CC2D2B: variants seen among roughly 807,000 people sequenced by gnomAD.
CC2D2B encodes protein CC2D2B.
A neutral mutation model predicts 161.2 loss-of-function variants in CC2D2B; 128 were observed. The ratio of observed to expected loss-of-function variants is 0.79; its 90% confidence interval spans 0.69 to 0.92. CC2D2B has a LOEUF of 0.92. CC2D2B is among the 40% of genes least tolerant of loss of function. The pLI is 0.00. For synonymous variants in CC2D2B, 391 were observed against 449.8 expected, an observed-to-expected ratio of 0.87 and a Z score of 1.65; for missense variants, 1,173 against 1,375.1, an observed-to-expected ratio of 0.85 and a Z score of 2.32.
At position 95,923,449 on chromosome 10, in the gene CC2D2B, C is replaced by G. The variant is rs1280032745; in HGVS notation, c.98-865C>G. Among the ~76,000 whole-genome samples the G allele has an allele frequency of 2.0e-5, 3 of 152,172 alleles. No homozygotes were observed. In the East Asian group the frequency reaches 5.8e-4, roughly 29 times the overall value. ...GGTCAGAAGTGTTATAATGATTTTA[C>G]AAAACTATCATAATTAAAATGGGTA... On this transcript the variant is annotated intron_variant, in intron 3 of 34. Transcript: ENST00000646931.
intron 9 of CC2D2B, among the ~76,000 whole-genome samples, chr10:95,947,114 T>TA (rs1491386108): frequency 0.12 from 2,665 of 22,034 alleles, 51 homozygotes; most frequent in African/African-American, 0.13. Flanking sequence ...TATATATATA[T>TA]TTTTTTTTTT....
At chr10:95,962,012 C>T (rs929940461) in intron 12 of CC2D2B, 43 bp downstream of exon 12, 1 of 1,220,698 alleles carries the variant, frequency 8.2e-7, no homozygotes, top group Non-Finnish European at 1.0e-6. Flanking sequence ...TCCTGAGGAA[C>T]TTCTCATGAA....
At chr10:96,023,527 CA>C (rs1036321970) in intron 32 of CC2D2B, among the ~76,000 whole-genome samples, 2 of 152,210 alleles carry the variant, frequency 1.3e-5, no homozygotes, top group African/African-American at 4.8e-5. Flanking sequence ...GCCTCTTTTT[CA>C]GGCCTGAAGT....
chr10:95,976,277 C>T (rs1049482406), intron 17 of CC2D2B, among the ~76,000 whole-genome samples: 4 of 152,198 alleles, frequency 2.6e-5, no homozygotes, highest in Admixed American at 1.3e-4. Context: ...CCATTCCCTT[C>T]CTAATCCTAC....
intron 9 of CC2D2B, among the ~76,000 whole-genome samples, chr10:95,946,632 T>C (rs2076208072): frequency 1.3e-5 from 2 of 152,156 alleles, no homozygotes; most frequent in African/African-American, 4.8e-5. Context: ...GGTTGGCTCT[T>C]ACATAAAGAA....
At position 95,995,253 on chromosome 10, in the gene CC2D2B, A is replaced by G. The variant is rs767270514; in HGVS notation, c.2643-16A>G. 3.6e-5 allele frequency: 52 copies of G among 1,442,758 alleles called. No individual in the cohort carries two copies. In the African/African-American group the frequency reaches 5.0e-4, roughly 14 times the overall value. The allele number at this position is 1,442,758 out of a possible 1,614,324, so 89.4% of individuals were successfully genotyped here. A position where few individuals can be genotyped will look rare whatever the true frequency, so the allele number is the denominator to read the frequency against. On this transcript the variant is annotated splice_polypyrimidine_tract_variant and intron_variant, in intron 22 of 34. Transcript: ENST00000646931. Reference sequence around the variant, plus strand: ...AACTAATTAAGGTGTATGTCTCTCTATTGTTTTTCCTGAAGATCCTTGGAT... The same window carrying G: ...AACTAATTAAGGTGTATGTCTCTCTGTTGTTTTTCCTGAAGATCCTTGGAT...
chr10:95,941,441 T>A (rs2076018600), intron 9 of CC2D2B, among the ~76,000 whole-genome samples: 1 of 152,096 alleles, frequency 6.6e-6, no homozygotes, highest in Admixed American at 6.6e-5. Flanking sequence ...GCAAACCATA[T>A]ATCTGATAAG....
intron 11 of CC2D2B, among the ~76,000 whole-genome samples, chr10:95,958,883 A>G (rs1378481448): frequency 6.6e-6 from 1 of 152,152 alleles, no homozygotes; most frequent in East Asian, 1.9e-4. Flanking sequence ...ACAGAAATTA[A>G]TAATAAAACC....
At chr10:95,950,774 A>ATTATGAACCTTCATAAATATCTG (rs1366112132) in intron 10 of CC2D2B, among the ~76,000 whole-genome samples, 11 of 152,150 alleles carry the variant, frequency 7.2e-5, no homozygotes, top group African/African-American at 2.7e-4. Context: ...ACATGAACTA[A>ATTATGAACCTTCATAAATATCTG]TTATGAACCT....
chr10:95,966,345 A>G, intron 14 of CC2D2B, 43 bp downstream of exon 14: 2 of 694,562 alleles, frequency 2.9e-6, no homozygotes, highest in Middle Eastern at 4.7e-4. Flanking sequence ...TATATTGTCT[A>G]TTAATTGGAT....
In CC2D2B at chr10:96,009,838, A is replaced by G. The variant is rs753045522; in HGVS notation, c.2960A>G (p.Lys987Arg). ...TTATTTTCATAGGATCACTGTCTCA[A>G]GAGCTGTAGTGGTCACTCATATATA... ...MTEKHEDHCLKSCSGHSYIRK... is the reference protein window; with the variant it reads ...MTEKHEDHCLRSCSGHSYIRK... Residue 987 changes from lysine to arginine, a missense_variant, in exon 26 of 35, where the codon AAG becomes AGG. Physicochemically the swap from Lys to Arg is conservative, Grantham distance 26 (BLOSUM62 2). Transcript: ENST00000646931. The G allele has an allele frequency of 7.7e-6, 12 of 1,560,798 alleles. No homozygotes were observed. The highest frequency in any genetic ancestry group is 1.8e-5 in the Admixed American group (1 of 56,168).
intron 10 of CC2D2B, among the ~76,000 whole-genome samples, chr10:95,953,077 A>C (rs549070308): frequency 3.7e-4 from 56 of 152,284 alleles, no homozygotes; most frequent in African/African-American, 1.3e-3. Flanking sequence ...TTAATTCACA[A>C]GTTAAAAAAG....
At chr10:95,995,189 C>G (rs2078184685) in intron 22 of CC2D2B, 80 bp from the exon 23 acceptor site, 1 of 686,132 alleles carries the variant, frequency 1.5e-6, no homozygotes, top group Non-Finnish European at 2.3e-6. Context: ...TTCATAAGCA[C>G]AGGAAAAACC....
rs190028418 is a variant in CC2D2B, at chr10:95,946,376, A to T, written c.802-3520A>T. Among the ~76,000 whole-genome samples, 587 of 152,224 alleles carry T rather than the reference A, an allele frequency of 3.9e-3. 3 individuals are homozygous for T. Among genetic ancestry groups the T allele is most frequent in the Middle Eastern group, 0.01 (3 of 294 alleles). The stretch of plus-strand genomic sequence containing the variant: ...AGGACCAAGGGCAGAGGCTTGTGTC[A>T]CTCCATTAGAAACCCAAAGCAACTG... On this transcript the variant is annotated intron_variant, in intron 9 of 34. Coordinates refer to ENST00000646931, the MANE Select transcript of CC2D2B (RefSeq NM_001349008.3).
At chr10:95,923,972 G>A (rs2098533331) in intron 3 of CC2D2B, among the ~76,000 whole-genome samples, 1 of 152,118 alleles carries the variant, frequency 6.6e-6, no homozygotes, top group Non-Finnish European at 1.5e-5. Flanking sequence ...AGTGAACCAA[G>A]ATGGTGTCAC....
chr10:96,012,935 C>T (rs2079052203), intron 28 of CC2D2B, among the ~76,000 whole-genome samples: 1 of 152,198 alleles, frequency 6.6e-6, no homozygotes, highest in Admixed American at 6.5e-5. Flanking sequence ...TGCTACACCG[C>T]TTTTCCATCA....
chr10:95,981,415 A>T (rs1001829807), intron 17 of CC2D2B, among the ~76,000 whole-genome samples: 5 of 151,920 alleles, frequency 3.3e-5, no homozygotes, highest in Non-Finnish European at 5.9e-5. Flanking sequence ...AAAAAAAAAA[A>T]AAAAAAGATT....
chr10:95,914,818 G>A (rs2098513055), intron 2 of CC2D2B, among the ~76,000 whole-genome samples: 2 of 152,298 alleles, frequency 1.3e-5, no homozygotes, highest in East Asian at 1.9e-4. Context: ...ATAACAGCGT[G>A]AGAATGGACT....
intron 31 of CC2D2B, 173 bp downstream of exon 31, chr10:96,019,510 C>T (rs2079362325): frequency 1.2e-6 from 1 of 824,082 alleles, no homozygotes; most frequent in Non-Finnish European, 1.9e-6. Flanking sequence ...GTAGTGCCTT[C>T]AAGGATGAGA....
Sources: allele counts gnomAD v4.1 joint callset (sites outside exome capture counted in the v4.1 genomes callset), GRCh38; gene constraint gnomAD v4.1.1; transcripts MANE v1.5; gene names NCBI Gene and HGNC (gene_info 2026-07-23, HGNC 2026-07-21).